Variants in PARN observed in about 807,000 individuals in gnomAD.
PARN encodes the protein poly(A)-specific ribonuclease.
In PARN, 71 loss-of-function variants were observed where a neutral mutation model predicts 102.8. The ratio of observed to expected loss-of-function variants is 0.69; its 90% confidence interval spans 0.57 to 0.84. The LOEUF is 0.84. Ranked by LOEUF, PARN falls within the 40% of genes least tolerant of loss-of-function variation. The pLI, the probability that PARN is intolerant of heterozygous loss-of-function variation, is 0.00. For synonymous variants in PARN, 261 were observed against 252.9 expected (o/e 1.03, Z -0.30); for missense variants, 782 against 760.9 (o/e 1.03, Z -0.33).
At chr16:14,560,189 C>T (rs999189505) in intron 18 of PARN, among the ~76,000 whole-genome samples, 1 of 152,172 alleles carries the variant, frequency 6.6e-6, no homozygotes, top group African/African-American at 2.4e-5. Context: ...ATGCACTAGG[C>T]AAGCAGAAAT....
intron 1 of PARN, 124 bp downstream of exon 1, chr16:14,629,983 G>A: frequency 1.1e-6 from 1 of 882,274 alleles, no homozygotes; most frequent in South Asian, 1.5e-5. Context: ...GGCTTAAGGA[G>A]GGAAAAGCCC....
intron 12 of PARN, among the ~76,000 whole-genome samples, chr16:14,598,420 T>G (rs569230638): frequency 1.6e-4 from 25 of 152,264 alleles, no homozygotes; most frequent in Non-Finnish European, 2.5e-4. Context: ...AAAAGCTGAC[T>G]GAACTATCAT....
At chr16:14,570,063 G>A (rs995245820) in intron 18 of PARN, among the ~76,000 whole-genome samples, 1 of 152,080 alleles carries the variant, frequency 6.6e-6, no homozygotes, top group South Asian at 2.1e-4. Flanking sequence ...AGAGGAGGCC[G>A]GGTGCGGTGG....
intron 23 of PARN, among the ~76,000 whole-genome samples, chr16:14,442,551 C>A (rs1181891743): frequency 6.6e-6 from 1 of 152,190 alleles, no homozygotes; most frequent in Non-Finnish European, 1.5e-5. Context: ...TACACATAAA[C>A]TAGAAGCCCT....
intron 18 of PARN, among the ~76,000 whole-genome samples, chr16:14,566,315 G>GAC (rs145007933): frequency 6.6e-6 from 1 of 152,154 alleles, no homozygotes; most frequent in Non-Finnish European, 1.5e-5. Flanking sequence ...AGACAGAGAG[G>GAC]ACACACACAC....
intron 18 of PARN, among the ~76,000 whole-genome samples, chr16:14,563,276 G>C (rs1000860704): frequency 6.6e-6 from 1 of 152,166 alleles, no homozygotes; most frequent in African/African-American, 2.4e-5. Flanking sequence ...GAATCAGACA[G>C]GCGGCCACTT....
intron 13 of PARN, among the ~76,000 whole-genome samples, chr16:14,592,371 G>C (rs1054502608): frequency 3.3e-5 from 5 of 152,206 alleles, no homozygotes; most frequent in African/African-American, 4.8e-5. Context: ...AAAGATGTTG[G>C]TGTCTACAGC....
At chr16:14,539,228 T>G (rs1033176521) in intron 21 of PARN, among the ~76,000 whole-genome samples, 8 of 152,116 alleles carry the variant, frequency 5.3e-5, no homozygotes, top group Admixed American at 2.0e-4. Context: ...AACATAAAAA[T>G]CAAGTGCCAG....
intron 23 of PARN, among the ~76,000 whole-genome samples, chr16:14,437,109 C>T (rs1567278738): frequency 1.3e-5 from 2 of 152,220 alleles, no homozygotes; most frequent in Non-Finnish European, 2.9e-5. Context: ...GGCAATACAG[C>T]GGGCATTTAA....
intron 21 of PARN, among the ~76,000 whole-genome samples, chr16:14,539,496 G>A (rs1470198960): frequency 1.3e-5 from 2 of 152,180 alleles, no homozygotes; most frequent in Non-Finnish European, 2.9e-5. Flanking sequence ...TGAACATTTC[G>A]TAGCAGAGAT....
intron 6 of PARN, among the ~76,000 whole-genome samples, chr16:14,617,192 G>A (rs1259248887): frequency 6.6e-6 from 1 of 151,420 alleles, no homozygotes; most frequent in Admixed American, 6.6e-5. Flanking sequence ...AGACCATCCT[G>A]GCTAACACGG....
intron 21 of PARN, among the ~76,000 whole-genome samples, chr16:14,532,484 GGGTTGGGGGCAA>G (rs1966395518): frequency 6.6e-6 from 1 of 151,936 alleles, no homozygotes; most frequent in South Asian, 2.1e-4. Context: ...AGAGAGCACA[GGGTTGGGGGCAA>G]GGTCACAGAT....
chr16:14,545,877 A>C (rs1452852702), intron 21 of PARN, among the ~76,000 whole-genome samples: 1 of 152,252 alleles, frequency 6.6e-6, no homozygotes, highest in Non-Finnish European at 1.5e-5. Flanking sequence ...TTTAGAAAAA[A>C]GAAGAAAAGA....
intron 21 of PARN, among the ~76,000 whole-genome samples, chr16:14,548,558 C>T (rs1967102173): frequency 6.6e-6 from 1 of 152,210 alleles, no homozygotes; most frequent in South Asian, 2.1e-4. Flanking sequence ...GGTCCCTACT[C>T]TCAAAGAGTT....
chr16:14,548,922 C>T (rs1166349088), intron 21 of PARN, among the ~76,000 whole-genome samples: 2 of 150,420 alleles, frequency 1.3e-5, no homozygotes, highest in East Asian at 2.0e-4. Flanking sequence ...CCACCCCACT[C>T]TCGCCTGGGC....
At chr16:14,613,184 C>T (rs1409745534) in intron 6 of PARN, among the ~76,000 whole-genome samples, 5 of 151,742 alleles carry the variant, frequency 3.3e-5, no homozygotes, top group Non-Finnish European at 7.4e-5. Context: ...TGGCACATGC[C>T]TGTAATCCCA....
At chr16:14,587,150 C>T (rs1192784897) in intron 13 of PARN, among the ~76,000 whole-genome samples, 2 of 152,166 alleles carry the variant, frequency 1.3e-5, no homozygotes, top group African/African-American at 4.8e-5. Context: ...GCTTTTCAAG[C>T]CTGTAAATAC....
intron 7 of PARN, 141 bp downstream of exon 7, chr16:14,610,503 A>G (rs1402575890): frequency 8.4e-6 from 4 of 476,674 alleles, no homozygotes; most frequent in Non-Finnish European, 1.5e-5. Flanking sequence ...TTTTTTTAAT[A>G]TGCCACAATT....
rs1379207947 is a variant in PARN at position 14,463,852 on chromosome 16, C to CGGG, written c.1671-16772_1671-16771insCCC. ...ACTTTTTTTTTTGGGGGGGGGGGGA[C>CGGG]GACAAGGTCTCACTCTGTCACCCAG... On this transcript the variant is annotated intron_variant, in intron 22 of 23. Transcript: ENST00000437198. 6.7e-4 allele frequency among the ~76,000 whole-genome samples: 72 copies of CGGG among 106,714 alleles called. 1 individual carries two copies. Among genetic ancestry groups the CGGG allele is most frequent in the African/African-American group, 2.7e-3 (65 of 24,410 alleles). The allele number at this position is 106,714 out of a possible 152,430, so 70.0% of individuals were successfully genotyped here.
Sources: allele counts gnomAD v4.1 joint callset (sites outside exome capture counted in the v4.1 genomes callset), GRCh38; gene constraint gnomAD v4.1.1; transcripts MANE v1.5; gene names NCBI Gene and HGNC (gene_info 2026-07-23, HGNC 2026-07-21).